Variants in PTPRD observed in about 807,000 individuals in gnomAD.
PTPRD encodes protein tyrosine phosphatase receptor type D, also known as receptor-type tyrosine-protein phosphatase delta.
PTPRD carries 34 observed loss-of-function variants against 214.5 expected under a neutral mutation model. The observed-to-expected ratio is 0.16, with a 90% CI of 0.12 to 0.21. The LOEUF is 0.21. Among genes scored for constraint, PTPRD ranks in the 10% least tolerant of loss-of-function variants. The pLI, the probability that PTPRD is intolerant of heterozygous loss-of-function variation, is 1.00. For synonymous variants in PTPRD, 1,128 were observed against 845.7 expected, an observed-to-expected ratio of 1.33 and a Z score of -5.79; for missense variants, 2,545 against 2,398.7, an observed-to-expected ratio of 1.06 and a Z score of -1.27.
At chr9:9,897,378 A>G (rs947740240) in intron 5 of PTPRD, among the ~76,000 whole-genome samples, 70 of 152,244 alleles carry the variant, frequency 4.6e-4, no homozygotes, top group African/African-American at 1.6e-3. Context: ...GAGTTTTTAA[A>G]AGAAAAATAT....
chr9:8,528,505 A>T (rs1469261264), intron 15 of PTPRD, 86 bp downstream of exon 15: 6 of 1,213,766 alleles, frequency 4.9e-6, no homozygotes, highest in Non-Finnish European at 7.0e-6. Flanking sequence ...AGAAATAAAA[A>T]ATAAATTAAA....
At chr9:9,712,150 T>C (rs964683291) in intron 7 of PTPRD, among the ~76,000 whole-genome samples, 4 of 152,106 alleles carry the variant, frequency 2.6e-5, no homozygotes, top group African/African-American at 9.7e-5. Flanking sequence ...ATTATAACAA[T>C]AAGAGTATCC....
chr9:8,675,380 C>T (rs1487629068), intron 12 of PTPRD, among the ~76,000 whole-genome samples: 2 of 151,828 alleles, frequency 1.3e-5, no homozygotes, highest in African/African-American at 2.4e-5. Context: ...ATTACAGATT[C>T]ATTAATCAAT....
intron 10 of PTPRD, among the ~76,000 whole-genome samples, chr9:9,035,445 G>A (rs909000958): frequency 6.6e-6 from 1 of 151,964 alleles, no homozygotes; most frequent in South Asian, 2.1e-4. Flanking sequence ...ATATCAAAGG[G>A]GAAGGTGCCC....
rs142174531 is a variant in PTPRD at position 10,425,362 on chromosome 9, A to G, written c.-599-84345T>C. Among the ~76,000 whole-genome samples the G allele has an allele frequency of 3.4e-4, 51 of 152,116 alleles. 1 individual carries two copies. In the East Asian group the frequency reaches 9.2e-3, roughly 27 times the overall value. On this transcript the variant is annotated intron_variant, in intron 2 of 45. Transcript: ENST00000381196. ...ATATTTCCCTCTTCTATTACCTATC[A>G]TAGTCACCAGAACATTCTCATTTTG...
chr9:10,349,739 G>A (rs554797743), intron 2 of PTPRD, among the ~76,000 whole-genome samples: 1 of 152,234 alleles, frequency 6.6e-6, no homozygotes, highest in East Asian at 1.9e-4. Context: ...ACCTTTGGTA[G>A]GCTGAATAAT....
chr9:8,367,395 A>G (rs901364129), intron 39 of PTPRD, among the ~76,000 whole-genome samples: 2 of 152,140 alleles, frequency 1.3e-5, no homozygotes, highest in African/African-American at 4.8e-5. Context: ...TATTGTAACA[A>G]TGTGGGGGAA....
intron 43 of PTPRD, 102 bp from the exon 44 acceptor site, chr9:8,331,838 A>G (rs1220024646): frequency 7.2e-7 from 1 of 1,381,164 alleles, no homozygotes; most frequent in Non-Finnish European, 9.6e-7. Context: ...CCCGAAAACA[A>G]AAAGGGTAGA....
chr9:10,277,792 T>A (rs930100419), intron 3 of PTPRD, among the ~76,000 whole-genome samples: 3 of 152,102 alleles, frequency 2.0e-5, no homozygotes, highest in Non-Finnish European at 4.4e-5. Context: ...GAAAACTAAA[T>A]CCTTCCCCAA....
At chr9:8,426,766 A>G (rs2094703948) in intron 35 of PTPRD, among the ~76,000 whole-genome samples, 1 of 151,958 alleles carries the variant, frequency 6.6e-6, no homozygotes, top group Non-Finnish European at 1.5e-5. Context: ...GAAAGATACG[A>G]AGTTTAATGT....
At chr9:8,416,244 A>T (rs1057152598) in intron 35 of PTPRD, among the ~76,000 whole-genome samples, 2 of 152,176 alleles carry the variant, frequency 1.3e-5, no homozygotes, top group African/African-American at 4.8e-5. Context: ...AAGAAAAAAC[A>T]TGAAACAGTA....
At position 9,693,239 on chromosome 9, in the gene PTPRD, C is replaced by T. The variant is rs78216447; in HGVS notation, c.-287+41294G>A. Among the ~76,000 whole-genome samples, 391 of 152,146 alleles carry T rather than the reference C, an allele frequency of 2.6e-3. 1 individual carries two copies. The highest frequency in any genetic ancestry group is 9.0e-3 in the African/African-American group (374 of 41,526). ...GCTTTGTGTTCGCACTAAATCTCAT[C>T]TTGAATTGTAATCCCCTGTGTTTAG... On this transcript the variant is annotated intron_variant, in intron 7 of 45. Transcript: ENST00000381196.
At chr9:10,487,664 G>T (rs1225052909) in intron 2 of PTPRD, among the ~76,000 whole-genome samples, 1 of 151,702 alleles carries the variant, frequency 6.6e-6, no homozygotes, top group Non-Finnish European at 1.5e-5. Context: ...AATACACATG[G>T]ACACAGGGAG....
Position 8,742,447 on chromosome 9 carries a change from T to C in PTPRD, c.-103-8501A>G, listed in dbSNP as rs112310698. On this transcript the variant is annotated intron_variant, in intron 11 of 45. Coordinates refer to ENST00000381196, the MANE Select transcript of PTPRD (RefSeq NM_002839.4). ...ATCATTTCTACATCAATATAACTGA[T>C]TTTGTCATCTTTAAAAATCAAAACA... Among the ~76,000 whole-genome samples the C allele has an allele frequency of 9.7e-3, 1,470 of 152,316 alleles. 29 individuals carry two copies. The highest frequency in any genetic ancestry group is 0.033 in the African/African-American group (1,385 of 41,584).
At chr9:10,512,848 A>T (rs987170673) in intron 2 of PTPRD, among the ~76,000 whole-genome samples, 1 of 152,044 alleles carries the variant, frequency 6.6e-6, no homozygotes, top group Non-Finnish European at 1.5e-5. Flanking sequence ...CAAATATTTG[A>T]TCTTTTTATT....
At chr9:8,684,274 C>T (rs985679726) in intron 12 of PTPRD, among the ~76,000 whole-genome samples, 5 of 152,160 alleles carry the variant, frequency 3.3e-5, no homozygotes, top group African/African-American at 1.2e-4. Context: ...AGTATTATGT[C>T]CCAAGAACTA....
chr9:9,053,256 C>T (rs567571924), intron 10 of PTPRD, among the ~76,000 whole-genome samples: 1 of 152,018 alleles, frequency 6.6e-6, no homozygotes, highest in African/African-American at 2.4e-5. Flanking sequence ...GCTCAGAGTC[C>T]AAGTTTAGTT....
chr9:9,519,234 T>C (rs761821642), intron 8 of PTPRD, among the ~76,000 whole-genome samples: 11 of 151,634 alleles, frequency 7.3e-5, no homozygotes, highest in Non-Finnish European at 1.3e-4. Flanking sequence ...CTTTAATGCA[T>C]ACCTAGGAAA....
chr9:10,048,683 G>A (rs973413429), intron 3 of PTPRD, among the ~76,000 whole-genome samples: 2 of 152,020 alleles, frequency 1.3e-5, no homozygotes, highest in African/African-American at 4.8e-5. Flanking sequence ...AAGGAAAGTA[G>A]TTTCCTATAA....
Sources: allele counts gnomAD v4.1 joint callset (sites outside exome capture counted in the v4.1 genomes callset), GRCh38; gene constraint gnomAD v4.1.1; transcripts MANE v1.5; gene names NCBI Gene and HGNC (gene_info 2026-07-23, HGNC 2026-07-21).